The following OLFM3 variants were observed in gnomAD, a reference collection of about 807,000 sequenced individuals.
OLFM3 encodes the protein noelin-3.
In OLFM3, 20 loss-of-function variants were observed where a neutral mutation model predicts 48.6. The ratio of observed to expected loss-of-function variants is 0.41; its 90% CI spans 0.29 to 0.60. The LOEUF (loss-of-function observed/expected upper bound fraction) is 0.60, where lower values mean the gene tolerates loss of function less well. Among genes scored for constraint, OLFM3 ranks in the 20% least tolerant of loss-of-function variants. The pLI, the probability that OLFM3 is intolerant of heterozygous loss-of-function variation, is 0.28. For missense variants in OLFM3, 437 were observed against 544.3 expected (o/e 0.80, Z 1.96); for synonymous variants, 222 against 198.1 (o/e 1.12, Z -1.01).
intron 4 of OLFM3, chr1:101,812,787 A>G: frequency 4.0e-6 from 4 of 989,502 alleles, no homozygotes; most frequent in Non-Finnish European, 4.8e-6. Context: ...TGACCATGGT[A>G]AAGTGGTCTT....
At chr1:101,883,207 CA>C (rs1424728208) in intron 1 of OLFM3, among the ~76,000 whole-genome samples, 1 of 151,436 alleles carries the variant, frequency 6.6e-6, no homozygotes, top group Non-Finnish European at 1.5e-5. Context: ...TTAAAAAAAT[CA>C]ATGTTTTTAG....
At chr1:101,920,029 C>T (rs181995126) in intron 1 of OLFM3, among the ~76,000 whole-genome samples, 1 of 152,192 alleles carries the variant, frequency 6.6e-6, no homozygotes, top group African/African-American at 2.4e-5. Context: ...ACCAACCTGT[C>T]AGCAAATCCT....
At chr1:101,948,137 T>A (rs1660015376) in intron 1 of OLFM3, among the ~76,000 whole-genome samples, 1 of 152,104 alleles carries the variant, frequency 6.6e-6, no homozygotes, top group South Asian at 2.1e-4. Flanking sequence ...TTCTCATACT[T>A]GAAAAAAAAT....
chr1:101,897,617 G>T (rs192540496), intron 1 of OLFM3, among the ~76,000 whole-genome samples: 19 of 151,740 alleles, frequency 1.3e-4, no homozygotes, highest in African/African-American at 3.4e-4. Context: ...AATTCATGTG[G>T]GTAATGAACC....
At chr1:101,968,093 G>A (rs1660669906) in intron 1 of OLFM3, among the ~76,000 whole-genome samples, 1 of 152,174 alleles carries the variant, frequency 6.6e-6, no homozygotes, top group African/African-American at 2.4e-5. Flanking sequence ...AGGCAGCTGA[G>A]GCAACAAAAC....
chr1:101,853,832 C>T (rs540494316), intron 1 of OLFM3, among the ~76,000 whole-genome samples: 1 of 152,108 alleles, frequency 6.6e-6, no homozygotes, highest in African/African-American at 2.4e-5. Context: ...AAACATTATG[C>T]TTATAGTTAC....
intron 1 of OLFM3, among the ~76,000 whole-genome samples, chr1:101,842,189 A>G (rs1655754014): frequency 6.6e-6 from 1 of 152,208 alleles, no homozygotes; most frequent in South Asian, 2.1e-4. Context: ...AGAAAAAACA[A>G]CTATAAAAGC....
chr1:101,948,804 G>C (rs936980308), intron 1 of OLFM3, among the ~76,000 whole-genome samples: 1 of 149,614 alleles, frequency 6.7e-6, no homozygotes, highest in Non-Finnish European at 1.5e-5. Flanking sequence ...ATAGAAATGA[G>C]TCTTTTCTCT....
intron 1 of OLFM3, among the ~76,000 whole-genome samples, chr1:101,980,187 C>T (rs181723404): frequency 5.2e-4 from 79 of 152,160 alleles, no homozygotes; most frequent in Non-Finnish European, 9.9e-4. Flanking sequence ...TCAGATGAGA[C>T]GTTGGACTGT....
chr1:101,967,298 C>CA (rs1660640082), intron 1 of OLFM3, among the ~76,000 whole-genome samples: 1 of 52,174 alleles, frequency 1.9e-5, no homozygotes, highest in Non-Finnish European at 4.2e-5. Flanking sequence ...TCATTTTGGC[C>CA]AAAAAACAAA....
chr1:101,855,519 G>A (rs1448207669), intron 1 of OLFM3, among the ~76,000 whole-genome samples: 1 of 152,042 alleles, frequency 6.6e-6, no homozygotes, highest in African/African-American at 2.4e-5. Flanking sequence ...AAAACAATTA[G>A]AATTATGTGG....
intron 1 of OLFM3, among the ~76,000 whole-genome samples, chr1:101,869,862 C>G (rs1380448213): frequency 1.3e-5 from 2 of 152,024 alleles, no homozygotes; most frequent in Non-Finnish European, 2.9e-5. Context: ...GTTTGCTTCC[C>G]CTTCTGCCAT....
At chr1:101,884,581 A>G (rs1657670126) in intron 1 of OLFM3, among the ~76,000 whole-genome samples, 1 of 152,032 alleles carries the variant, frequency 6.6e-6, no homozygotes, top group Non-Finnish European at 1.5e-5. Context: ...TTTAAGACAG[A>G]AAGTAATAGG....
chr1:101,993,190 T>A (rs11164359), intron 1 of OLFM3, among the ~76,000 whole-genome samples: 151,752 of 152,284 alleles, frequency 1, 75,613 homozygotes, highest in Middle Eastern at 1. Flanking sequence ...TGAAACCTGC[T>A]CAGTCATATT....
chr1:101,840,523 TGTA>T (rs1488257094), intron 1 of OLFM3, among the ~76,000 whole-genome samples: 6 of 151,078 alleles, frequency 4.0e-5, no homozygotes, highest in African/African-American at 1.2e-4. Context: ...CAAGCTGAAG[TGTA>T]GTGGGGTGAT....
chr1:101,975,820 A>G (rs1441093904), intron 1 of OLFM3, among the ~76,000 whole-genome samples: 1 of 152,168 alleles, frequency 6.6e-6, no homozygotes, highest in African/African-American at 2.4e-5. Context: ...TTCAGGAGAC[A>G]CAGGGAGCAA....
chr1:101,816,670 T>C (rs1654352202), intron 4 of OLFM3, among the ~76,000 whole-genome samples: 1 of 152,168 alleles, frequency 6.6e-6, no homozygotes. Context: ...TTTCCTCATC[T>C]ATAAAATGAA....
chr1:101,840,592 T>G (rs1459605088), intron 1 of OLFM3, among the ~76,000 whole-genome samples: 1 of 152,100 alleles, frequency 6.6e-6, no homozygotes, highest in East Asian at 1.9e-4. Flanking sequence ...CACCACAGTT[T>G]CCTGAGTAGC....
At chr1:101,838,699 C>T (rs61690860) in intron 1 of OLFM3, among the ~76,000 whole-genome samples, 1,857 of 152,052 alleles carry the variant, frequency 0.012, 30 homozygotes, top group East Asian at 0.05. Flanking sequence ...AGGCTGGTCT[C>T]AGACTCCTGA....
Sources: allele counts gnomAD v4.1 joint callset (sites outside exome capture counted in the v4.1 genomes callset), GRCh38; gene constraint gnomAD v4.1.1; transcripts MANE v1.5; gene names NCBI Gene and HGNC (gene_info 2026-07-23, HGNC 2026-07-21).